BMPR1A: variants seen among roughly 807,000 people sequenced by gnomAD.
BMPR1A encodes bone morphogenetic protein receptor type-1A.
In BMPR1A, 7 loss-of-function variants were observed where a neutral mutation model predicts 66.0. That is an observed-to-expected ratio of 0.11 (90% CI 0.06 to 0.20). The LOEUF is 0.20. Among genes scored for constraint, BMPR1A ranks in the 10% least tolerant of loss-of-function variants. BMPR1A has a pLI of 1.00. For missense variants in BMPR1A, 408 were observed against 669.1 expected (o/e 0.61, Z 4.31); for synonymous variants, 200 against 229.7 (o/e 0.87, Z 1.17).
intron 2 of BMPR1A, among the ~76,000 whole-genome samples, chr10:86,852,072 A>G (rs957947015): frequency 2.0e-5 from 3 of 152,132 alleles, no homozygotes; most frequent in Admixed American, 6.5e-5. Flanking sequence ...CAACAGAGCA[A>G]GACCTTGCCT....
At chr10:86,880,707 A>T (rs941187171) in intron 3 of BMPR1A, among the ~76,000 whole-genome samples, 2 of 152,202 alleles carry the variant, frequency 1.3e-5, no homozygotes, top group Non-Finnish European at 2.9e-5. Context: ...GTCTTTTTTC[A>T]CTAAGGATCT....
At chr10:86,845,436 C>CT (rs1384882621) in intron 2 of BMPR1A, among the ~76,000 whole-genome samples, 1 of 152,194 alleles carries the variant, frequency 6.6e-6, no homozygotes, top group African/African-American at 2.4e-5. Context: ...CAGGTCTGTG[C>CT]TTGTGCCTCC....
intron 1 of BMPR1A, among the ~76,000 whole-genome samples, chr10:86,809,595 C>A (rs1390686050): frequency 8.1e-6 from 1 of 123,902 alleles, no homozygotes; most frequent in Non-Finnish European, 1.6e-5. Context: ...CACCCGACCT[C>A]TTTTTTTTTT....
At chr10:86,793,805 G>A (rs1841665441) in intron 1 of BMPR1A, among the ~76,000 whole-genome samples, 1 of 152,140 alleles carries the variant, frequency 6.6e-6, no homozygotes, top group Admixed American at 6.6e-5. Context: ...TCCAACACAG[G>A]TCTCACTAGG....
At chr10:86,922,308 G>A (rs1208179534) in intron 11 of BMPR1A, among the ~76,000 whole-genome samples, 1 of 152,146 alleles carries the variant, frequency 6.6e-6, no homozygotes, top group African/African-American at 2.4e-5. Flanking sequence ...ATCTGTTGAT[G>A]GTCACTTAGG....
chr10:86,876,664 G>A (rs964650436), intron 3 of BMPR1A, among the ~76,000 whole-genome samples: 1 of 152,032 alleles, frequency 6.6e-6, no homozygotes, highest in African/African-American at 2.4e-5. Flanking sequence ...CCAGCTACTC[G>A]GGAGGCTGAG....
At chr10:86,922,995 A>C (rs1228589989) in intron 11 of BMPR1A, among the ~76,000 whole-genome samples, 1 of 152,260 alleles carries the variant, frequency 6.6e-6, no homozygotes, top group South Asian at 2.1e-4. Context: ...TCTGCACCTC[A>C]TAAGTCTTTC....
chr10:86,758,380 T>TTC, intron 1 of BMPR1A, among the ~76,000 whole-genome samples: 1 of 152,088 alleles, frequency 6.6e-6, no homozygotes, highest in South Asian at 2.1e-4. Flanking sequence ...TTTTTTTTTT[T>TTC]TTTTGTCTTT....
chr10:86,802,109 C>T (rs1841820219), intron 1 of BMPR1A, among the ~76,000 whole-genome samples: 1 of 152,158 alleles, frequency 6.6e-6, no homozygotes. Context: ...AGCCCCATCT[C>T]CTTTACTCTC....
chr10:86,840,878 T>C (rs1221495355), intron 2 of BMPR1A, among the ~76,000 whole-genome samples: 3 of 152,226 alleles, frequency 2.0e-5, no homozygotes, highest in Non-Finnish European at 4.4e-5. Flanking sequence ...ATCCTCTCTT[T>C]CCGAATCCCC....
intron 1 of BMPR1A, among the ~76,000 whole-genome samples, chr10:86,829,131 G>C (rs887160711): frequency 4.6e-5 from 7 of 152,036 alleles, no homozygotes; most frequent in African/African-American, 1.7e-4. Context: ...TGGGACTGCT[G>C]TTTTGTTTCT....
intron 2 of BMPR1A, among the ~76,000 whole-genome samples, chr10:86,863,153 T>C (rs1245254120): frequency 6.6e-6 from 1 of 152,010 alleles, no homozygotes; most frequent in Admixed American, 6.6e-5. Flanking sequence ...AATTTCTGTA[T>C]TTTTAGTAGA....
At chr10:86,836,797 G>T (rs1376407437) in intron 1 of BMPR1A, among the ~76,000 whole-genome samples, 1 of 152,134 alleles carries the variant, frequency 6.6e-6, no homozygotes, top group Non-Finnish European at 1.5e-5. Flanking sequence ...GCTGGGCATG[G>T]TTGTATGTAC....
chr10:86,771,056 A>G (rs181248406), intron 1 of BMPR1A, among the ~76,000 whole-genome samples: 24 of 152,314 alleles, frequency 1.6e-4, no homozygotes, highest in East Asian at 5.8e-4. Context: ...TTCCAAATGC[A>G]TTCTGATTCT....
At chr10:86,831,455 C>CT (rs1564697845) in intron 1 of BMPR1A, among the ~76,000 whole-genome samples, 1 of 152,066 alleles carries the variant, frequency 6.6e-6, no homozygotes, top group African/African-American at 2.4e-5. Flanking sequence ...TCTTGTTTTT[C>CT]TTTTTTATAT....
rs1240478862 is a variant in BMPR1A at position 86,917,118 on chromosome 10, A to G, written c.676-16A>G. 6.2e-7 allele frequency: 1 copy of G among 1,613,448 alleles called. No homozygotes were observed. The highest frequency in any genetic ancestry group is 1.3e-5 in the African/African-American group (1 of 74,974). ...CTTTCATCAAGAGCTCAAACCTTTTACTTTTTTCTATAAAGGTTCAGCGAA... is the reference window on the plus strand; with the variant it reads ...CTTTCATCAAGAGCTCAAACCTTTTGCTTTTTTCTATAAAGGTTCAGCGAA... On this transcript the variant is annotated splice_polypyrimidine_tract_variant and intron_variant, in intron 8 of 12. Coordinates refer to ENST00000372037, the MANE Select transcript of BMPR1A (RefSeq NM_004329.3).
intron 1 of BMPR1A, among the ~76,000 whole-genome samples, chr10:86,815,943 C>T (rs1439533150): frequency 6.6e-6 from 1 of 152,218 alleles, no homozygotes; most frequent in Non-Finnish European, 1.5e-5. Flanking sequence ...TCTTTCTTGC[C>T]TAGGATATCC....
intron 7 of BMPR1A, among the ~76,000 whole-genome samples, chr10:86,907,237 A>G (rs1843408489): frequency 6.6e-6 from 1 of 152,208 alleles, no homozygotes; most frequent in Non-Finnish European, 1.5e-5. Context: ...TCATAAGTTT[A>G]TTTGGATGTT....
At chr10:86,880,906 A>C (rs1842977414) in intron 3 of BMPR1A, among the ~76,000 whole-genome samples, 1 of 152,192 alleles carries the variant, frequency 6.6e-6, no homozygotes, top group Non-Finnish European at 1.5e-5. Flanking sequence ...CACTTAAGAA[A>C]AAAACTAGTT....
Sources: gnomAD v4.1 joint callset for allele counts (sites outside exome capture counted in the v4.1 genomes callset) on GRCh38, gnomAD v4.1.1 for gene constraint, MANE v1.5 for transcripts, NCBI Gene and HGNC (gene_info 2026-07-23, HGNC 2026-07-21) for gene names.